ROBO2: variants seen among roughly 807,000 people sequenced by gnomAD.
The protein encoded by ROBO2 is roundabout guidance receptor 2.
In ROBO2, 53 loss-of-function variants were observed where a neutral mutation model predicts 160.8. The observed-to-expected ratio is 0.33, with a 90% CI of 0.26 to 0.41. The LOEUF (loss-of-function observed/expected upper bound fraction) is 0.41, where lower values mean the gene tolerates loss of function less well. ROBO2 is among the 10% of genes least tolerant of loss of function. The pLI is 1.00. For synonymous variants in ROBO2, 664 were observed against 611.7 expected (o/e 1.09, Z -1.26); for missense variants, 1,577 against 1,722.4 (o/e 0.92, Z 1.49).
chr3:76,388,372 C>T (rs867645368), intron 2 of ROBO2, among the ~76,000 whole-genome samples: 1 of 151,586 alleles, frequency 6.6e-6, no homozygotes, highest in Admixed American at 6.6e-5. Context: ...CCCGGGTTCA[C>T]GCCATTCTCC....
chr3:76,657,816 AGT>A (rs2091635433), intron 2 of ROBO2, among the ~76,000 whole-genome samples: 1 of 147,812 alleles, frequency 6.8e-6, no homozygotes, highest in Admixed American at 6.8e-5. Context: ...GTATATATAT[AGT>A]GTGTATATAT....
At chr3:76,946,658 G>A (rs768421990) in intron 2 of ROBO2, among the ~76,000 whole-genome samples, 2 of 152,026 alleles carry the variant, frequency 1.3e-5, no homozygotes, top group African/African-American at 4.8e-5. Flanking sequence ...GGCTGGTCTC[G>A]AACTCCTAAC....
chr3:77,404,457 C>A (rs1226522067), intron 2 of ROBO2, among the ~76,000 whole-genome samples: 1 of 152,050 alleles, frequency 6.6e-6, no homozygotes, highest in East Asian at 1.9e-4. Flanking sequence ...AATAAACACA[C>A]AAATAACAAA....
chr3:75,923,983 A>T (rs181898018), intron 1 of ROBO2, among the ~76,000 whole-genome samples: 1 of 152,266 alleles, frequency 6.6e-6, no homozygotes, highest in East Asian at 1.9e-4. Flanking sequence ...CATGAAATTT[A>T]TCTGGAATAT....
chr3:76,608,732 G>T (rs1010952025), intron 2 of ROBO2, among the ~76,000 whole-genome samples: 19 of 151,968 alleles, frequency 1.3e-4, no homozygotes, highest in African/African-American at 4.3e-4. Flanking sequence ...CTTTAATTTT[G>T]ATTTTATTTT....
At chr3:76,858,420 C>T (rs1429796136) in intron 2 of ROBO2, among the ~76,000 whole-genome samples, 1 of 152,092 alleles carries the variant, frequency 6.6e-6, no homozygotes, top group African/African-American at 2.4e-5. Context: ...CCCGCCACCA[C>T]ACGTGGCTAA....
intron 2 of ROBO2, among the ~76,000 whole-genome samples, chr3:76,340,135 G>A (rs1318842): frequency 0.46 from 69,163 of 150,768 alleles, 17,720 homozygotes; most frequent in East Asian, 0.68. Context: ...ATATAATTAC[G>A]TAATAAGAAG....
At chr3:76,413,441 T>C (rs1182678752) in intron 2 of ROBO2, among the ~76,000 whole-genome samples, 1 of 152,202 alleles carries the variant, frequency 6.6e-6, no homozygotes, top group Non-Finnish European at 1.5e-5. Context: ...TATGCTCCAC[T>C]TTCCTTATAA....
chr3:76,486,111 G>A (rs969243787), intron 2 of ROBO2, among the ~76,000 whole-genome samples: 1 of 152,070 alleles, frequency 6.6e-6, no homozygotes, highest in Non-Finnish European at 1.5e-5. Context: ...TATCATCAGG[G>A]GCTGCAAAAA....
chr3:76,946,845 T>C (rs1437795680), intron 2 of ROBO2, among the ~76,000 whole-genome samples: 1 of 152,220 alleles, frequency 6.6e-6, no homozygotes, highest in Non-Finnish European at 1.5e-5. Flanking sequence ...CTGGATGTTT[T>C]GTAAGCTGCA....
intron 2 of ROBO2, among the ~76,000 whole-genome samples, chr3:76,677,938 T>C (rs2092452501): frequency 7.4e-6 from 1 of 134,254 alleles, no homozygotes; most frequent in Admixed American, 8.1e-5. Context: ...CTATTTTCTC[T>C]CACAGAGAAA....
chr3:75,956,785 T>C (rs1948736135), intron 2 of ROBO2, among the ~76,000 whole-genome samples: 1 of 151,798 alleles, frequency 6.6e-6, no homozygotes, highest in Admixed American at 6.6e-5. Flanking sequence ...CAGTTAATAT[T>C]CACTACTAGA....
Position 76,960,285 on chromosome 3 carries a change from A to G in ROBO2, c.110-137729A>G, listed in dbSNP as rs1028741704. On this transcript the variant is annotated intron_variant, in intron 2 of 26. Transcript: ENST00000487694. ...AAGAATTGACAACCACATAGTGACC[A>G]GAGCTCAATATTCAGAAGAAAGTTA... Among the ~76,000 whole-genome samples, 8 of 152,110 alleles carry G rather than the reference A, an allele frequency of 5.3e-5. 1 individual carries two copies. The highest frequency in any genetic ancestry group is 1.3e-4 in the Admixed American group (2 of 15,270).
At chr3:77,564,359 T>A (rs891630193) in intron 11 of ROBO2, 9 of 412,428 alleles carry the variant, frequency 2.2e-5, no homozygotes, top group South Asian at 1.6e-4. Flanking sequence ...CGTTCTGAGA[T>A]GAGAAATCAC....
chr3:76,509,160 G>A (rs979432114), intron 2 of ROBO2, among the ~76,000 whole-genome samples: 2 of 152,138 alleles, frequency 1.3e-5, no homozygotes, highest in Admixed American at 1.3e-4. Flanking sequence ...GAAAAAGGTA[G>A]TTTTTCTAGT....
chr3:76,480,186 C>T (rs1417247683), intron 2 of ROBO2, among the ~76,000 whole-genome samples: 3 of 152,056 alleles, frequency 2.0e-5, no homozygotes, highest in South Asian at 2.1e-4. Flanking sequence ...GTTTCTATTC[C>T]TGAATATCTA....
intron 6 of ROBO2, among the ~76,000 whole-genome samples, chr3:77,530,709 T>C (rs1482397145): frequency 6.6e-6 from 1 of 152,030 alleles, no homozygotes; most frequent in Non-Finnish European, 1.5e-5. Flanking sequence ...AACTATCACT[T>C]TAATAATTAA....
intron 2 of ROBO2, among the ~76,000 whole-genome samples, chr3:76,993,262 T>C (rs2060794663): frequency 6.6e-6 from 1 of 152,334 alleles, no homozygotes; most frequent in Non-Finnish European, 1.5e-5. Flanking sequence ...TAGTAACATT[T>C]GAGTCTATTA....
At chr3:76,121,988 A>G (rs981964743) in intron 2 of ROBO2, among the ~76,000 whole-genome samples, 8 of 152,202 alleles carry the variant, frequency 5.3e-5, no homozygotes, top group Admixed American at 5.2e-4. Flanking sequence ...TAAATTAGTC[A>G]TGATACTTGT....
Sources: allele counts gnomAD v4.1 joint callset (sites outside exome capture counted in the v4.1 genomes callset), GRCh38; gene constraint gnomAD v4.1.1; transcripts MANE v1.5; gene names NCBI Gene and HGNC (gene_info 2026-07-23, HGNC 2026-07-21).